Variants in UBR4 observed in about 807,000 individuals in gnomAD.
The protein encoded by UBR4 is ubiquitin protein ligase E3 component n-recognin 4, also known as E3 ubiquitin-protein ligase UBR4.
A neutral mutation model predicts 575.6 loss-of-function variants in UBR4; 124 were observed. The observed-to-expected ratio is 0.22, with a 90% confidence interval of 0.19 to 0.25. The LOEUF (loss-of-function observed/expected upper bound fraction) is 0.25. UBR4 is among the 10% of genes least tolerant of loss of function. The probability of loss-of-function intolerance (pLI) is 1.00; values close to 1 mark genes in which losing one functional copy is unlikely to be tolerated. For missense variants in UBR4, 4,818 were observed against 6,478.8 expected (o/e 0.74, Z 8.80); for synonymous variants, 2,455 against 2,473.7 (o/e 0.99, Z 0.22).
At position 19,128,331 on chromosome 1, in the gene UBR4, G is replaced by A. The variant is rs907250201; in HGVS notation, c.9004-13C>T. ...GCATTAGAATGACCTAGAAGTCAAAGACAGAAAACACAAAACCCAATTTCC... is the reference window on the plus strand; with the variant it reads ...GCATTAGAATGACCTAGAAGTCAAAAACAGAAAACACAAAACCCAATTTCC... On this transcript the variant is annotated splice_polypyrimidine_tract_variant and intron_variant, in intron 61 of 105. Coordinates refer to ENST00000375254, the MANE Select transcript of UBR4 (RefSeq NM_020765.3). 6.2e-7 allele frequency: 1 copy of A among 1,610,306 alleles called. No homozygotes were observed.
rs535369262 is a variant in UBR4, at chr1:19,166,714, C to CAAAAAAA, written c.4109+301_4109+307dup. Among the ~76,000 whole-genome samples the CAAAAAAA allele has an allele frequency of 4.3e-4, 32 of 73,752 alleles. 1 individual carries two copies. Among genetic ancestry groups the CAAAAAAA allele is most frequent in the African/African-American group, 1.8e-3 (27 of 15,126 alleles). 48.4% of individuals were successfully genotyped at this position (73,752 alleles called of 152,430 possible). A position where few individuals can be genotyped will look rare whatever the true frequency, so the allele number is the denominator to read the frequency against. The stretch of plus-strand genomic sequence containing the variant: ...ACAACATGGCAAACTCCATCTCTAC[C>CAAAAAAA]AAAAAAAAAAAAAAAAAAAAAAAAA... On this transcript the variant is annotated intron_variant, in intron 29 of 105. Coordinates refer to ENST00000375254, the MANE Select transcript of UBR4 (RefSeq NM_020765.3).
intron 60 of UBR4, 84 bp from the exon 61 acceptor site, chr1:19,129,158 C>A: frequency 8.5e-7 from 1 of 1,178,698 alleles, no homozygotes. Context: ...CAACCCCACC[C>A]TGCTACCAAG....
At chr1:19,192,426 C>T (rs2092156189) in intron 10 of UBR4, 48 bp from the exon 11 acceptor site, 4 of 1,614,016 alleles carry the variant, frequency 2.5e-6, no homozygotes, top group Admixed American at 1.7e-5. Flanking sequence ...GAGATATTTA[C>T]ATCTCAGAGA....
At chr1:19,075,119 T>C (rs949938463) in intron 105 of UBR4, 3 of 581,584 alleles carry the variant, frequency 5.2e-6, no homozygotes, top group Middle Eastern at 3.8e-4. Context: ...AAGGTGTTTT[T>C]GTTCTCACAT....
chr1:19,116,848 T>A (rs2080598695), intron 73 of UBR4, among the ~76,000 whole-genome samples: 1 of 152,230 alleles, frequency 6.6e-6, no homozygotes, highest in Non-Finnish European at 1.5e-5. Context: ...AGAGCATAGC[T>A]GTCTTAATCC....
intron 3 of UBR4, 43 bp downstream of exon 3, chr1:19,199,608 C>T (rs765743171): frequency 2.5e-6 from 4 of 1,584,142 alleles, no homozygotes; most frequent in Non-Finnish European, 3.5e-6. Flanking sequence ...TCAGTCACAA[C>T]ACTGCTTCAG....
chr1:19,094,049 G>C lies in UBR4; in HGVS notation c.13837C>G (p.Leu4613Val). The change falls in exon 95 of 106, where the codon CTC (leucine) becomes GTC (valine). Residue 4613 changes from leucine (L) to valine (V), a missense_variant. Leu to Val is a conservative substitution (Grantham distance 32). Around this residue, in one of 29 missense-constraint regions of UBR4, gnomAD observed 165 missense variants for 282.3 expected, o/e 0.58. Transcript: ENST00000375254. ...GGGATGATGCGAAGCAGGCCCTGGA[G>C]CACACTGGGGTTGGAGCGAACAAAG... ...STFVRSNPSV[L>V]QGLLRIIPYL... The C allele has an allele frequency of 6.2e-7, 1 of 1,614,146 alleles. No homozygotes were observed.
chr1:19,202,150 AC>A (rs1160244323), intron 1 of UBR4, among the ~76,000 whole-genome samples: 1 of 152,086 alleles, frequency 6.6e-6, no homozygotes, highest in Non-Finnish European at 1.5e-5. Flanking sequence ...CCGATATTGA[AC>A]CACTGCACTC....
At position 19,119,551 on chromosome 1, in the gene UBR4, T is replaced by G. The variant is rs1310047486; in HGVS notation, c.10455+6A>C. On this transcript the variant is annotated splice_donor_region_variant and intron_variant, in intron 70 of 105. Coordinates refer to ENST00000375254, the MANE Select transcript of UBR4 (RefSeq NM_020765.3). ...TTGGCCCCTCTGACCATAAAGCAAC[T>G]GTTACCTTCTTCTCTGTTTGTGGAG... 1 of 1,610,596 alleles carries G rather than the reference T, an allele frequency of 6.2e-7. No homozygotes were observed. Among genetic ancestry groups the G allele is most frequent in the South Asian group, 1.1e-5 (1 of 90,982 alleles).
At chr1:19,121,021 CT>C (rs2081115296) in intron 68 of UBR4, among the ~76,000 whole-genome samples, 167 bp downstream of exon 68, 2 of 152,180 alleles carry the variant, frequency 1.3e-5, no homozygotes, top group African/African-American at 4.8e-5. Flanking sequence ...TAAGGTGTCA[CT>C]TCAGTATAAT....
chr1:19,185,370 C>T (rs2091423070), intron 14 of UBR4, 84 bp from the exon 15 acceptor site: 1 of 1,332,646 alleles, frequency 7.5e-7, no homozygotes, highest in African/African-American at 1.5e-5. Context: ...GTACTTAAGT[C>T]AAAAGGAATA....
At position 19,141,700 on chromosome 1, in the gene UBR4, G is replaced by A. The variant is rs373832140; in HGVS notation, c.8257C>T (p.Arg2753Cys). 1.2e-5 allele frequency: 19 copies of A among 1,614,064 alleles called. No individual in the cohort carries two copies. Among genetic ancestry groups the A allele is most frequent in the South Asian group, 4.4e-5 (4 of 91,082 alleles). The change falls in exon 56 of 106, where the codon CGT (arginine) becomes TGT (cysteine). Residue 2753 changes from arginine (R) to cysteine (C), a missense_variant. By Grantham distance (180) the Arg-to-Cys change is radical (BLOSUM62 -3). Transcript: ENST00000375254. ...SSGIPNGGHI[R>C]QESQEQSEVD... ...TCACTCTGTTCCTGGCTTTCCTGAC[G>A]GATGTGACCACCATTCGGGATCCCT...
intron 53 of UBR4, among the ~76,000 whole-genome samples, 153 bp downstream of exon 53, chr1:19,145,640 G>C (rs1161281856): frequency 6.6e-6 from 1 of 152,104 alleles, no homozygotes; most frequent in African/African-American, 2.4e-5. Context: ...CAGGAACATT[G>C]CATTTATCTC....
chr1:19,198,970 A>C (rs907373470), intron 3 of UBR4, 42 bp from the exon 4 acceptor site: 2 of 1,597,810 alleles, frequency 1.3e-6, no homozygotes, highest in Non-Finnish European at 8.5e-7. Context: ...ACAAAAACAA[A>C]TAGATCTTTC....
rs925816568 is a variant in UBR4 at position 19,126,431 on chromosome 1, A to G, written c.9438+15T>C. On this transcript the variant is annotated intron_variant, in intron 64 of 105. Transcript: ENST00000375254. ...ACAAAGGACGAGTGTTTCTTTGATG[A>G]GGGAAAGATCTCACCTTCACATACT... 3 of 1,613,940 alleles carry G rather than the reference A, an allele frequency of 1.9e-6. No individual in the cohort carries two copies. The African/African-American group carries it at 4.0e-5, about 22-fold the overall frequency.
intron 1 of UBR4, among the ~76,000 whole-genome samples, chr1:19,205,211 C>A (rs2092945562): frequency 6.6e-6 from 1 of 152,122 alleles, no homozygotes; most frequent in Admixed American, 6.5e-5. Context: ...AGGGAAACAG[C>A]AGCTAAGCAG....
intron 99 of UBR4, 34 bp from the exon 100 acceptor site, chr1:19,086,855 GA>G (rs1211092471): frequency 1.2e-6 from 2 of 1,610,396 alleles, no homozygotes; most frequent in Non-Finnish European, 1.7e-6. Context: ...GAGGGGAGGA[GA>G]AACTCCAAGT....
chr1:19,078,851 G>A (rs2076218815), intron 103 of UBR4: 1 of 152,226 alleles, frequency 6.6e-6, no homozygotes, highest in African/African-American at 2.4e-5. Context: ...TTTGAGGTTT[G>A]AGGAATGATT....
At chr1:19,126,181 T>C (rs2081754439) in intron 64 of UBR4, among the ~76,000 whole-genome samples, 1 of 152,188 alleles carries the variant, frequency 6.6e-6, no homozygotes, top group Non-Finnish European at 1.5e-5. Flanking sequence ...TACCTTCTCA[T>C]CTTTTTCTAA....
Sources: allele counts gnomAD v4.1 joint callset (sites outside exome capture counted in the v4.1 genomes callset), GRCh38; gene constraint gnomAD v4.1.1; regional missense constraint gnomAD v4.1.1; transcripts MANE v1.5; gene names NCBI Gene and HGNC (gene_info 2026-07-23, HGNC 2026-07-21).